The following DNAJC13 variants were observed in gnomAD, a reference collection of about 807,000 sequenced individuals.
DNAJC13 encodes the protein dnaJ homolog subfamily C member 13.
A neutral mutation model predicts 290.5 loss-of-function variants in DNAJC13; 75 were observed. That is an observed-to-expected ratio of 0.26 (90% confidence interval 0.21 to 0.31). The LOEUF (loss-of-function observed/expected upper bound fraction) is 0.31, where lower values mean the gene tolerates loss of function less well. Ranked by LOEUF, DNAJC13 falls within the 10% of genes least tolerant of loss-of-function variation. The probability of loss-of-function intolerance (pLI) is 1.00; values close to 1 mark genes in which losing one functional copy is unlikely to be tolerated. For synonymous variants in DNAJC13, 862 were observed against 892.0 expected (o/e 0.97, Z 0.60); for missense variants, 2,260 against 2,674.5 (o/e 0.85, Z 3.42).
At chr3:132,520,941 T>G (rs1327232161) in intron 48 of DNAJC13, among the ~76,000 whole-genome samples, 2 of 152,230 alleles carry the variant, frequency 1.3e-5, no homozygotes, top group African/African-American at 4.8e-5. Flanking sequence ...CTGCAAAATA[T>G]TTTAAAATAG....
intron 45 of DNAJC13, 139 bp from the exon 46 acceptor site, chr3:132,514,432 T>C: frequency 1.7e-6 from 1 of 587,634 alleles, no homozygotes; most frequent in East Asian, 3.0e-5. Flanking sequence ...AGGCAATCTT[T>C]TAAAATTAAA....
Position 132,466,352 on chromosome 3 carries a change from T to C in DNAJC13, c.2022T>C (p.Asp674=). 1 of 1,603,374 alleles carries C rather than the reference T, an allele frequency of 6.2e-7. No homozygotes were observed. The highest frequency in any genetic ancestry group is 8.5e-7 in the Non-Finnish European group (1 of 1,177,180). ...GCTCAGATCTCGTACCTGAGAAGGATGCTGATCGGATGCATGTTAGAGACA... is the reference window on the plus strand; with the variant it reads ...GCTCAGATCTCGTACCTGAGAAGGACGCTGATCGGATGCATGTTAGAGACA... ...LESSDLVPEK[D]ADRMHVRDNV... is the part of the protein sequence containing the mutation. Residue 674 remains aspartate, a synonymous_variant, in exon 19 of 56, where the codon GAT becomes GAC. Coordinates refer to ENST00000260818, the MANE Select transcript of DNAJC13 (RefSeq NM_015268.4).
intron 26 of DNAJC13, 80 bp from the exon 27 acceptor site, chr3:132,482,146 T>C (rs1036893312): frequency 1.8e-6 from 2 of 1,123,732 alleles, no homozygotes; most frequent in African/African-American, 3.2e-5. Context: ...TCCAAAGTAC[T>C]GCTGTGCAAC....
At chr3:132,465,532 A>G (rs1933950087) in intron 17 of DNAJC13, among the ~76,000 whole-genome samples, 1 of 152,194 alleles carries the variant, frequency 6.6e-6, no homozygotes, top group East Asian at 1.9e-4. Context: ...CCCAAACTCT[A>G]GAAGTGAAAA....
At chr3:132,516,908 G>A (rs1408755742) in intron 48 of DNAJC13, 92 bp downstream of exon 48, 1 of 1,087,466 alleles carries the variant, frequency 9.2e-7, no homozygotes, top group East Asian at 2.6e-5. Flanking sequence ...AATCTGAGAT[G>A]GTGAGGATAA....
intron 13 of DNAJC13, among the ~76,000 whole-genome samples, chr3:132,459,352 T>G (rs1312576223): frequency 1.3e-5 from 2 of 152,130 alleles, no homozygotes; most frequent in African/African-American, 4.8e-5. Context: ...AGGATAAATA[T>G]TGTATGATTT....
intron 5 of DNAJC13, among the ~76,000 whole-genome samples, chr3:132,449,983 G>A (rs1933370691): frequency 6.6e-6 from 1 of 152,020 alleles, no homozygotes; most frequent in African/African-American, 2.4e-5. Context: ...GACTGAAACT[G>A]GATAGTAAAT....
chr3:132,451,953 T>C (rs772722178), intron 6 of DNAJC13, among the ~76,000 whole-genome samples: 8 of 152,186 alleles, frequency 5.3e-5, no homozygotes, highest in Non-Finnish European at 1.0e-4. Flanking sequence ...GGTAAACCTC[T>C]GTGTGTTACC....
At chr3:132,496,256 A>G (rs1043917999) in intron 35 of DNAJC13, among the ~76,000 whole-genome samples, 2 of 152,180 alleles carry the variant, frequency 1.3e-5, no homozygotes, top group East Asian at 1.9e-4. Flanking sequence ...TCTCTCTAGT[A>G]TGTATGAGTT....
chr3:132,505,965 G>T (rs780061019), intron 42 of DNAJC13, among the ~76,000 whole-genome samples: 2 of 150,036 alleles, frequency 1.3e-5, no homozygotes, highest in African/African-American at 2.4e-5. Context: ...TTCCATGTTA[G>T]TCATCTAGAA....
intron 2 of DNAJC13, among the ~76,000 whole-genome samples, chr3:132,439,616 T>G (rs1330440742): frequency 6.6e-6 from 1 of 152,198 alleles, no homozygotes; most frequent in East Asian, 1.9e-4. Context: ...TATCGGAATC[T>G]TATGTTTTTC....
chr3:132,478,658 T>C (rs758923469), intron 24 of DNAJC13, among the ~76,000 whole-genome samples: 20 of 152,186 alleles, frequency 1.3e-4, no homozygotes, highest in Admixed American at 3.9e-4. Context: ...GTGGTTCACC[T>C]GGAAGTGGGA....
chr3:132,500,156 C>G (rs1935364797), intron 38 of DNAJC13, among the ~76,000 whole-genome samples: 1 of 152,184 alleles, frequency 6.6e-6, no homozygotes, highest in Admixed American at 6.5e-5. Flanking sequence ...TCTTCCATCC[C>G]TCACTCTCCT....
intron 50 of DNAJC13, 95 bp from the exon 51 acceptor site, chr3:132,523,445 A>G: frequency 7.2e-7 from 1 of 1,382,622 alleles, no homozygotes; most frequent in South Asian, 1.4e-5. Flanking sequence ...CTGTTTGTGG[A>G]CTGGTTAACA....
rs1231033138 is a variant in DNAJC13 at position 132,526,173 on chromosome 3, C to T, written c.6273C>T (p.Thr2091=). The T allele has an allele frequency of 3.1e-6, 5 of 1,613,914 alleles. No homozygotes were observed. The highest frequency in any genetic ancestry group is 4.2e-6 in the Non-Finnish European group (5 of 1,179,972). The change falls in exon 53 of 56, where the codon ACC becomes ACT. Residue 2091 remains threonine, a synonymous_variant. Transcript: ENST00000260818. ...LCVRAMASLE[T]IGPLMNGMKK... is the part of the protein sequence containing the mutation. Reference sequence around the variant, plus strand: ...TTCGAGCCATGGCATCTTTAGAGACCATTGGCCCACTGATGAATGGAATGA... The same window carrying T: ...TTCGAGCCATGGCATCTTTAGAGACTATTGGCCCACTGATGAATGGAATGA...
At chr3:132,496,458 C>T (rs1189321456) in intron 35 of DNAJC13, 70 bp from the exon 36 acceptor site, 3 of 1,353,064 alleles carry the variant, frequency 2.2e-6, no homozygotes, top group Non-Finnish European at 3.0e-6. Flanking sequence ...AAATGCAAAC[C>T]ATATGTCTTG....
At chr3:132,515,827 CA>C (rs1935903549) in intron 46 of DNAJC13, among the ~76,000 whole-genome samples, 1 of 152,190 alleles carries the variant, frequency 6.6e-6, no homozygotes, top group Non-Finnish European at 1.5e-5. Context: ...TAATACTTTG[CA>C]GCCTCTACCT....
At chr3:132,501,014 T>C (rs1935391219) in intron 39 of DNAJC13, 101 bp downstream of exon 39, 2 of 1,378,932 alleles carry the variant, frequency 1.5e-6, no homozygotes, top group African/African-American at 1.5e-5. Context: ...CCCAAAGTTA[T>C]TTGTAAGTAA....
intron 29 of DNAJC13, among the ~76,000 whole-genome samples, chr3:132,486,860 T>G (rs1934895005): frequency 6.6e-6 from 1 of 152,132 alleles, no homozygotes; most frequent in African/African-American, 2.4e-5. Flanking sequence ...TCTAGTATAG[T>G]GATAGTTTGA....
Sources: allele counts gnomAD v4.1 joint callset (sites outside exome capture counted in the v4.1 genomes callset), GRCh38; gene constraint gnomAD v4.1.1; transcripts MANE v1.5; gene names NCBI Gene and HGNC (gene_info 2026-07-23, HGNC 2026-07-21).